The following PRKCD variants were observed in gnomAD, a reference collection of about 807,000 sequenced individuals.
PRKCD encodes protein kinase C delta, also known as protein kinase C delta type.
In PRKCD, 20 loss-of-function variants were observed where a neutral mutation model predicts 82.2. The observed-to-expected ratio is 0.24, with a 90% CI of 0.17 to 0.35. PRKCD has a LOEUF of 0.35. PRKCD is among the 10% of genes least tolerant of loss of function. The pLI, the probability that PRKCD is intolerant of heterozygous loss-of-function variation, is 1.00. For synonymous variants in PRKCD, 317 were observed against 337.0 expected (o/e 0.94, Z 0.65); for missense variants, 607 against 899.0 (o/e 0.68, Z 4.15).
chr3:53,180,645 G>C lies in PRKCD; in HGVS notation c.316-562G>C, dbSNP rs559717531. On this transcript the variant is annotated intron_variant, in intron 4 of 18. Transcript: ENST00000330452. ...TACTGACCCTTGGCCAGTCAGGCAGGGACACAGAGGGGCCTCTGGCTGTGC... is the reference window on the plus strand; with the variant it reads ...TACTGACCCTTGGCCAGTCAGGCAGCGACACAGAGGGGCCTCTGGCTGTGC... 5.9e-5 allele frequency among the ~76,000 whole-genome samples: 9 copies of C among 152,312 alleles called. 1 individual carries two copies. In the South Asian group the frequency reaches 1.9e-3, roughly 32 times the overall value.
intron 2 of PRKCD, among the ~76,000 whole-genome samples, chr3:53,175,158 G>T (rs962178913): frequency 6.6e-6 from 1 of 152,202 alleles, no homozygotes; most frequent in Non-Finnish European, 1.5e-5. Context: ...CTGGCTGGCC[G>T]GTGTTGGAGC....
chr3:53,177,338 A>G (rs1205666562), intron 2 of PRKCD, among the ~76,000 whole-genome samples: 9 of 152,196 alleles, frequency 5.9e-5, no homozygotes, highest in Non-Finnish European at 1.3e-4. Context: ...GCAACCTTCC[A>G]GGCAAGCGAG....
chr3:53,179,517 G>T (rs782182746), intron 3 of PRKCD, 60 bp from the exon 4 acceptor site: 3 of 1,604,056 alleles, frequency 1.9e-6, no homozygotes, highest in East Asian at 2.2e-5. Flanking sequence ...GGCCGTGGAG[G>T]TCTACGAGGG....
At chr3:53,183,314 T>A in intron 8 of PRKCD, 108 bp downstream of exon 8, 1 of 1,569,442 alleles carries the variant, frequency 6.4e-7, no homozygotes, top group East Asian at 2.3e-5. Flanking sequence ...CCCTCCCCAT[T>A]TTTCTTAGTC....
intron 11 of PRKCD, 82 bp from the exon 12 acceptor site, chr3:53,185,844 TC>T: frequency 6.5e-7 from 1 of 1,543,292 alleles, no homozygotes; most frequent in African/African-American, 1.4e-5. Flanking sequence ...TGAGGCCCCT[TC>T]CCCCAGCCTA....
chr3:53,179,336 A>G (rs1291051911), intron 3 of PRKCD: 2 of 624,762 alleles, frequency 3.2e-6, no homozygotes, highest in Non-Finnish European at 5.9e-6. Flanking sequence ...AGGGCAGGCG[A>G]CATTTAAATG....
intron 2 of PRKCD, among the ~76,000 whole-genome samples, chr3:53,170,969 C>T (rs1314665128): frequency 6.6e-6 from 1 of 151,462 alleles, no homozygotes; most frequent in Non-Finnish European, 1.5e-5. Flanking sequence ...GTACGTGTGC[C>T]CCTGTGTCAT....
intron 2 of PRKCD, among the ~76,000 whole-genome samples, chr3:53,175,585 A>C (rs1274377431): frequency 3.3e-5 from 5 of 152,112 alleles, no homozygotes; most frequent in Non-Finnish European, 7.4e-5. Context: ...TCATTTTGCC[A>C]TATGTGCTGC....
intron 9 of PRKCD, among the ~76,000 whole-genome samples, chr3:53,184,481 G>A (rs1380313988): frequency 6.6e-6 from 1 of 152,052 alleles, no homozygotes; most frequent in Non-Finnish European, 1.5e-5. Context: ...TTCGAGACCA[G>A]CCTGGCTAAC....
rs577578719 is a variant in PRKCD, at chr3:53,183,080, G to T, written c.572-41G>T. 8.1e-6 allele frequency: 13 copies of T among 1,603,570 alleles called. No homozygotes were observed. The Admixed American group carries it at 1.8e-4, about 23-fold the overall frequency. On this transcript the variant is annotated intron_variant, in intron 7 of 18. Coordinates refer to ENST00000330452, the MANE Select transcript of PRKCD (RefSeq NM_006254.4). Reference sequence around the variant, plus strand: ...CCAGCTCATAGACTCTGCCCCTCCCGGTGCTTTCCCTTCCCCCTCCTGGGC... The same window carrying T: ...CCAGCTCATAGACTCTGCCCCTCCCTGTGCTTTCCCTTCCCCCTCCTGGGC...
chr3:53,190,640 G>C (rs1303607455), intron 18 of PRKCD, among the ~76,000 whole-genome samples: 1 of 152,210 alleles, frequency 6.6e-6, no homozygotes, highest in Non-Finnish European at 1.5e-5. Flanking sequence ...ACCAGCCTGA[G>C]AGCAGAGGCA....
intron 2 of PRKCD, among the ~76,000 whole-genome samples, chr3:53,166,902 G>A (rs782066943): frequency 6.6e-6 from 1 of 152,258 alleles, no homozygotes; most frequent in Non-Finnish European, 1.5e-5. Flanking sequence ...GGCTGTGTCA[G>A]CTGTGCCAGC....
intron 9 of PRKCD, among the ~76,000 whole-genome samples, 165 bp downstream of exon 9, chr3:53,183,746 C>G (rs992036092): frequency 6.6e-6 from 1 of 152,244 alleles, no homozygotes; most frequent in Non-Finnish European, 1.5e-5. Flanking sequence ...ACTGGCCTGA[C>G]TGGCTCTGCC....
intron 18 of PRKCD, among the ~76,000 whole-genome samples, chr3:53,191,055 A>G (rs1703906879): frequency 6.6e-6 from 1 of 152,182 alleles, no homozygotes; most frequent in Admixed American, 6.5e-5. Context: ...GGCTGCTTTA[A>G]TCTGCCAGTT....
intron 1 of PRKCD, among the ~76,000 whole-genome samples, chr3:53,161,780 C>T (rs538756849): frequency 1.3e-5 from 2 of 151,838 alleles, no homozygotes; most frequent in African/African-American, 4.8e-5. Flanking sequence ...CTGCGCGCCT[C>T]TCCGAGACCC....
intron 1 of PRKCD, among the ~76,000 whole-genome samples, chr3:53,162,270 C>T (rs987860142): frequency 1.4e-5 from 2 of 147,868 alleles, no homozygotes; most frequent in African/African-American, 2.5e-5. Flanking sequence ...GGGAGGAGGT[C>T]GGGGGGGGGG....
chr3:53,161,837 G>C (rs1466471058), intron 1 of PRKCD, among the ~76,000 whole-genome samples: 1 of 135,660 alleles, frequency 7.4e-6, no homozygotes, highest in Non-Finnish European at 1.6e-5. Context: ...CTTGCCCTCC[G>C]CGTGCTCCAT....
intron 4 of PRKCD, 37 bp downstream of exon 4, chr3:53,179,813 T>TGTGA (rs2107257942): frequency 6.5e-7 from 1 of 1,548,716 alleles, no homozygotes; most frequent in Middle Eastern, 2.1e-4. Context: ...TGTGTGTGTG[T>TGTGA]GTGTGTCTGT....
chr3:53,162,451 C>G (rs1553663202), intron 1 of PRKCD, among the ~76,000 whole-genome samples: 1 of 152,108 alleles, frequency 6.6e-6, no homozygotes, highest in Non-Finnish European at 1.5e-5. Context: ...TGACGCCTAC[C>G]CTGTATGCGT....
Sources: allele counts gnomAD v4.1 joint callset (sites outside exome capture counted in the v4.1 genomes callset), GRCh38; gene constraint gnomAD v4.1.1; transcripts MANE v1.5; gene names NCBI Gene and HGNC (gene_info 2026-07-23, HGNC 2026-07-21).